ZNF519: variants seen among roughly 807,000 people sequenced by gnomAD.
ZNF519 encodes the protein similar to Zinc finger protein 85 (Zinc finger protein HPF4) (HTF1).
ZNF519 carries 7 observed loss-of-function variants against 7.4 expected under a neutral mutation model. The ratio of observed to expected loss-of-function variants is 0.94; its 90% confidence interval spans 0.54 to 1.77. The LOEUF (loss-of-function observed/expected upper bound fraction) is 1.77, where lower values mean the gene tolerates loss of function less well. Ranked by LOEUF, ZNF519 falls within the 40% of genes most tolerant of loss-of-function variation. The probability of loss-of-function intolerance (pLI) is 0.00; values close to 1 mark genes in which losing one functional copy is unlikely to be tolerated. For missense variants in ZNF519, 586 were observed against 623.1 expected, an observed-to-expected ratio of 0.94 and a Z score of 0.63; for synonymous variants, 179 against 203.3, an observed-to-expected ratio of 0.88 and a Z score of 1.02.
intron 2 of ZNF519, chr18:14,124,065 C>T (rs1293782381): frequency 6.2e-5 from 11 of 177,968 alleles, no homozygotes; most frequent in Non-Finnish European, 1.1e-4. Flanking sequence ...CCCAGCTATT[C>T]GGGAGGTTGA....
At chr18:14,084,226 T>C (rs960871685) in intron 3 of ZNF519, 2 of 152,384 alleles carry the variant, frequency 1.3e-5, no homozygotes, top group South Asian at 2.1e-4. Flanking sequence ...GACTCTTCTT[T>C]CTTCTCTCTC....
chr18:14,128,842 T>G (rs960257382), intron 1 of ZNF519, among the ~76,000 whole-genome samples: 2 of 152,232 alleles, frequency 1.3e-5, no homozygotes, highest in African/African-American at 2.4e-5. Flanking sequence ...TCCCTCATTT[T>G]AAAGAGAAAG....
At chr18:14,098,538 T>C (rs2046147035), downstream of ZNF519, among the ~76,000 whole-genome samples, 1 of 151,982 alleles carries the variant, frequency 6.6e-6, no homozygotes, top group East Asian at 1.9e-4. Flanking sequence ...TCTCCAGCTT[T>C]GTTAATCTCT....
chr18:14,115,557 A>C (rs562126964), intron 2 of ZNF519, among the ~76,000 whole-genome samples: 1 of 152,350 alleles, frequency 6.6e-6, no homozygotes, highest in East Asian at 1.9e-4. Flanking sequence ...AATACCAGTG[A>C]AACAGAACAG....
chr18:14,129,841 A>G (rs1368211941), intron 1 of ZNF519, among the ~76,000 whole-genome samples: 1 of 152,140 alleles, frequency 6.6e-6, no homozygotes, highest in East Asian at 1.9e-4. Context: ...CCTCAAGCTC[A>G]ATAATTTGAT....
In ZNF519 at chr18:14,105,615, G is replaced by A; in HGVS notation, c.925C>T (p.Gln309Ter). The A allele has an allele frequency of 6.2e-7, 1 of 1,613,784 alleles. No individual in the cohort carries two copies. Among genetic ancestry groups the A allele is most frequent in the Non-Finnish European group, 8.5e-7 (1 of 1,179,920 alleles). ...TCTCCAGTATGGATTCTCTGATGTT[G>A]AGCAAGGTGTGAACTCTTGTTAAAG... Reference protein sequence around the residue: ...KAFNKSSHLAQHQRIHTGEKP... With the variant: ...KAFNKSSHLA Residue 309 changes from glutamine to a stop codon, truncating the protein, a stop_gained, in exon 3 of 3, where the codon CAA (glutamine) becomes TAA (stop). Coordinates refer to ENST00000590202, the MANE Select transcript of ZNF519 (RefSeq NM_145287.4). LOFTEE classifies it low-confidence loss of function (END_TRUNC).
intron 2 of ZNF519, among the ~76,000 whole-genome samples, chr18:14,121,351 TA>T (rs375953027): frequency 0.024 from 3,590 of 147,074 alleles, 55 homozygotes; most frequent in Middle Eastern, 0.056. Flanking sequence ...ATACTTACTA[TA>T]AAAAAAAAAG....
intron 2 of ZNF519, among the ~76,000 whole-genome samples, chr18:14,115,508 T>C (rs2046242300): frequency 6.6e-6 from 1 of 152,226 alleles, no homozygotes; most frequent in Non-Finnish European, 1.5e-5. Flanking sequence ...TATAAAGTTA[T>C]ATTAATCAAA....
In ZNF519 at chr18:14,081,650, T is replaced by C. The variant is rs762982367; in HGVS notation, c.*177+3227A>G. On this transcript the variant is annotated intron_variant and NMD_transcript_variant, in intron 3 of 4. Coordinates refer to the ZNF519 transcript ENST00000587419. The stretch of plus-strand genomic sequence containing the variant: ...CAGCCTTCCCCAGCTTTATGTGTTA[T>C]GGTTTTCTTAAATTAGGGACTCCAT... 2.8e-4 allele frequency among the ~76,000 whole-genome samples: 42 copies of C among 152,176 alleles called. 2 individuals are homozygous for C. The highest frequency in any genetic ancestry group is 3.3e-4 in the Admixed American group (5 of 15,266).
At chr18:14,089,164 T>C (rs1407708090) in intron 2 of ZNF519, among the ~76,000 whole-genome samples, 1 of 152,214 alleles carries the variant, frequency 6.6e-6, no homozygotes, top group Non-Finnish European at 1.5e-5. Context: ...CTAGGTAATA[T>C]ATGTAGCTTA....
At chr18:14,093,293 A>G (rs2046121705) in intron 2 of ZNF519, among the ~76,000 whole-genome samples, 1 of 152,060 alleles carries the variant, frequency 6.6e-6, no homozygotes, top group Non-Finnish European at 1.5e-5. Flanking sequence ...ATCCCCCTCC[A>G]TCCTGCCGCT....
chr18:14,105,634 G>A lies in ZNF519; in HGVS notation c.906C>T (p.Asn302=). Residue 302 remains asparagine, a synonymous_variant, in exon 3 of 3, where the codon AAC becomes AAT. Coordinates refer to ENST00000590202, the MANE Select transcript of ZNF519 (RefSeq NM_145287.4). ...YKCKKCDKAF[N]KSSHLAQHQR... ...GATGTTGAGCAAGGTGTGAACTCTT[G>A]TTAAAGGCTTTGTCACATTTTTTAC... 1 of 1,613,458 alleles carries A rather than the reference G, an allele frequency of 6.2e-7. No homozygotes were observed. Among genetic ancestry groups the A allele is most frequent in the Non-Finnish European group, 8.5e-7 (1 of 1,179,862 alleles).
At position 14,085,109 on chromosome 18, in the gene ZNF519, A is replaced by G. The variant is rs530220255; in HGVS notation, c.131-33T>C. 147 of 152,296 alleles carry G rather than the reference A, an allele frequency of 9.7e-4. 1 individual carries two copies. Among genetic ancestry groups the G allele is most frequent in the African/African-American group, 3.5e-3 (144 of 41,562 alleles). 9.4% of individuals were successfully genotyped at this position (152,296 alleles called of 1,614,324 possible). A position where few individuals can be genotyped will look rare whatever the true frequency, so the allele number is the denominator to read the frequency against. On this transcript the variant is annotated intron_variant and NMD_transcript_variant, in intron 2 of 4. Coordinates refer to the ZNF519 transcript ENST00000587419. ...ATAAAAAAAAGAAACAGCTAAGTTT[A>G]TGAAAAGCTCAAGGTCTTTTTGAGG...
chr18:14,130,407 A>G, intron 1 of ZNF519, among the ~76,000 whole-genome samples: 1 of 152,050 alleles, frequency 6.6e-6, no homozygotes. Flanking sequence ...AACTTTTTTT[A>G]AAAGCCCTTT....
intron 1 of ZNF519, among the ~76,000 whole-genome samples, chr18:14,129,555 C>T (rs1209735182): frequency 6.6e-6 from 1 of 152,122 alleles, no homozygotes; most frequent in Non-Finnish European, 1.5e-5. Context: ...GCCTCACTTC[C>T]CTCAGACACC....
downstream of ZNF519, among the ~76,000 whole-genome samples, chr18:14,099,092 C>T (rs1308071443): frequency 6.6e-6 from 1 of 152,030 alleles, no homozygotes; most frequent in Non-Finnish European, 1.5e-5. Context: ...AGCCAACTTC[C>T]ACCATCTCCC....
At position 14,100,360 on chromosome 18, in the gene ZNF519, T is replaced by TTTC. The variant is rs1296120564; in HGVS notation, c.*4556_*4557insGAA. The TTTC allele has an allele frequency of 1.3e-5, 2 of 152,170 alleles. No individual in the cohort carries two copies. Among genetic ancestry groups the TTTC allele is most frequent in the Non-Finnish European group, 2.9e-5 (2 of 68,028 alleles). 9.4% of individuals were successfully genotyped at this position (152,170 alleles called of 1,614,324 possible). A position where few individuals can be genotyped will look rare whatever the true frequency, so the allele number is the denominator to read the frequency against. Reference sequence around the variant, plus strand: ...AAACATGTATTCATATGAAACCTAGTACATGAATGTACATAGCACTTTTAT... The same window carrying TTTC: ...AAACATGTATTCATATGAAACCTAGTTTCACATGAATGTACATAGCACTTTTAT... On this transcript the variant is annotated 3_prime_UTR_variant, in exon 3 of 3. Transcript: ENST00000590202.
At chr18:14,084,277 A>C (rs2046081376) in intron 3 of ZNF519, 1 of 152,218 alleles carries the variant, frequency 6.6e-6, no homozygotes, top group Non-Finnish European at 1.5e-5. Flanking sequence ...GGTCTGGATA[A>C]GTCACTCTTG....
intron 1 of ZNF519, among the ~76,000 whole-genome samples, chr18:14,124,907 T>C (rs953253846): frequency 3.3e-4 from 50 of 152,108 alleles, no homozygotes; most frequent in African/African-American, 1.1e-3. Context: ...CTCTTCAAAC[T>C]CTCCATGTGA....
Sources: allele counts gnomAD v4.1 joint callset (sites outside exome capture counted in the v4.1 genomes callset), GRCh38; gene constraint gnomAD v4.1.1; transcripts MANE v1.5; gene names NCBI Gene and HGNC (gene_info 2026-07-23, HGNC 2026-07-21).